The following ZNRF2 variants were observed in gnomAD, a reference collection of about 807,000 sequenced individuals.
ZNRF2 encodes the protein zinc and ring finger 2.
ZNRF2 carries 16 observed loss-of-function variants against 20.4 expected under a neutral mutation model. That is an observed-to-expected ratio of 0.79 (90% CI 0.53 to 1.19). The LOEUF is 1.19. Among genes scored for constraint, ZNRF2 ranks in the 50% most tolerant of loss-of-function variants. The pLI is 0.00. For missense variants in ZNRF2, 363 were observed against 332.4 expected (o/e 1.09, Z -0.72); for synonymous variants, 178 against 144.9 (o/e 1.23, Z -1.64).
At chr7:30,317,310 A>G (rs191852888) in intron 1 of ZNRF2, among the ~76,000 whole-genome samples, 3 of 101,704 alleles carry the variant, frequency 2.9e-5, no homozygotes, top group East Asian at 5.6e-4. Flanking sequence ...TTTGGGAGAT[A>G]AGATCTACAC....
intron 1 of ZNRF2, among the ~76,000 whole-genome samples, chr7:30,316,380 A>T (rs932310142): frequency 1.3e-5 from 2 of 149,024 alleles, no homozygotes; most frequent in African/African-American, 4.9e-5. Flanking sequence ...GACTGAATAT[A>T]TGGTCCTGAT....
intron 3 of ZNRF2, among the ~76,000 whole-genome samples, chr7:30,361,277 C>A (rs1269142468): frequency 6.6e-6 from 1 of 152,154 alleles, no homozygotes; most frequent in African/African-American, 2.4e-5. Context: ...CTATATATTT[C>A]GAGAACAAAA....
chr7:30,348,058 C>G (rs527261852), intron 2 of ZNRF2, among the ~76,000 whole-genome samples: 2 of 151,404 alleles, frequency 1.3e-5, no homozygotes, highest in Non-Finnish European at 2.9e-5. Flanking sequence ...CCCACATATA[C>G]TAATAAACAT....
chr7:30,314,164 TCAAA>T (rs1238655729), intron 1 of ZNRF2, among the ~76,000 whole-genome samples: 1 of 152,200 alleles, frequency 6.6e-6, no homozygotes, highest in Non-Finnish European at 1.5e-5. Flanking sequence ...ATTTATTAAT[TCAAA>T]CAAATTTAAA....
chr7:30,314,176 A>C (rs1458337280), intron 1 of ZNRF2, among the ~76,000 whole-genome samples: 1 of 152,220 alleles, frequency 6.6e-6, no homozygotes, highest in African/African-American at 2.4e-5. Flanking sequence ...AAACAAATTT[A>C]AAAGAGAAAT....
At chr7:30,342,529 T>G (rs1799812551) in intron 2 of ZNRF2, among the ~76,000 whole-genome samples, 2 of 152,222 alleles carry the variant, frequency 1.3e-5, no homozygotes, top group Admixed American at 6.5e-5. Flanking sequence ...TGAAATTCTT[T>G]AAGAATGTTG....
At chr7:30,306,038 G>A (rs894564187) in intron 1 of ZNRF2, among the ~76,000 whole-genome samples, 3 of 152,054 alleles carry the variant, frequency 2.0e-5, no homozygotes, top group South Asian at 2.1e-4. Context: ...TCTCTAAGCC[G>A]CTCTTTCCTC....
Position 30,323,409 on chromosome 7 carries a change from G to A in ZNRF2, c.470-233G>A, listed in dbSNP as rs144798474. ...GAGATACAGGAGTTTGTAGTGGACT[G>A]CATCCCTCTCATTTTAACTTGTTTT... On this transcript the variant is annotated intron_variant, in intron 1 of 4. Coordinates refer to ENST00000323037, the MANE Select transcript of ZNRF2 (RefSeq NM_147128.4). 3.1e-3 allele frequency among the ~76,000 whole-genome samples: 477 copies of A among 152,312 alleles called. 2 individuals carry two copies. Among genetic ancestry groups the A allele is most frequent in the Middle Eastern group, 0.02 (6 of 294 alleles).
intron 2 of ZNRF2, among the ~76,000 whole-genome samples, chr7:30,352,690 G>T (rs1206603299): frequency 6.6e-6 from 1 of 152,018 alleles, no homozygotes; most frequent in Admixed American, 6.6e-5. Context: ...TCCCTTCTCT[G>T]CTTCTTTAAT....
At chr7:30,316,288 C>CAAAA (rs60218988) in intron 1 of ZNRF2, among the ~76,000 whole-genome samples, 399 of 27,554 alleles carry the variant, frequency 0.014, 21 homozygotes, top group African/African-American at 0.017. Context: ...AACTCCATCT[C>CAAAA]AAAAAAAAAA....
At chr7:30,332,709 T>C (rs1438240148) in intron 2 of ZNRF2, among the ~76,000 whole-genome samples, 4 of 152,140 alleles carry the variant, frequency 2.6e-5, no homozygotes, top group African/African-American at 9.7e-5. Flanking sequence ...ATTGTTTCAT[T>C]CTTTTTTTAT....
At chr7:30,338,497 C>T (rs1414199378) in intron 2 of ZNRF2, among the ~76,000 whole-genome samples, 1 of 133,632 alleles carries the variant, frequency 7.5e-6, no homozygotes, top group African/African-American at 2.8e-5. Context: ...CATTGTTCAA[C>T]TCCCACTTAT....
At chr7:30,313,667 G>T (rs560091473) in intron 1 of ZNRF2, among the ~76,000 whole-genome samples, 1 of 151,872 alleles carries the variant, frequency 6.6e-6, no homozygotes, top group Non-Finnish European at 1.5e-5. Context: ...AATTGCCCCC[G>T]AGAATATGGA....
chr7:30,316,701 G>A (rs140958478), intron 1 of ZNRF2, among the ~76,000 whole-genome samples: 8 of 152,060 alleles, frequency 5.3e-5, no homozygotes, highest in African/African-American at 1.4e-4. Context: ...TTCCTCTTTG[G>A]CCTCTTGAGC....
At position 30,285,239 on chromosome 7, in the gene ZNRF2, G is replaced by T; in HGVS notation, c.-119G>T. 1 of 757,492 alleles carries T rather than the reference G, an allele frequency of 1.3e-6. No individual in the cohort carries two copies. Among genetic ancestry groups the T allele is most frequent in the Non-Finnish European group, 1.7e-6 (1 of 583,560 alleles). The allele number at this position is 757,492 out of a possible 1,614,324, so 46.9% of individuals were successfully genotyped here. On this transcript the variant is annotated 5_prime_UTR_variant, in exon 1 of 5. Coordinates refer to ENST00000323037, the MANE Select transcript of ZNRF2 (RefSeq NM_147128.4). ...GACGCCGGGCGGCGGCCCTGGACGTGCGGGGGCCTCTCTGGGCCGGCCGCG... is the reference window on the plus strand; with the variant it reads ...GACGCCGGGCGGCGGCCCTGGACGTTCGGGGGCCTCTCTGGGCCGGCCGCG...
At chr7:30,290,876 G>C (rs1798894583) in intron 1 of ZNRF2, among the ~76,000 whole-genome samples, 1 of 152,238 alleles carries the variant, frequency 6.6e-6, no homozygotes, top group East Asian at 1.9e-4. Flanking sequence ...CCCCTTTTAG[G>C]GGCTGGACAT....
At position 30,285,161 on chromosome 7, in the gene ZNRF2, C is replaced by A. The variant is rs1273676297; in HGVS notation, c.-197C>A. On this transcript the variant is annotated 5_prime_UTR_variant, in exon 1 of 5. Coordinates refer to ENST00000323037, the MANE Select transcript of ZNRF2 (RefSeq NM_147128.4). Reference sequence around the variant, plus strand: ...GTCTCCCGCGCCCGCGTCAGGCCGTCGGCCTCGCCCGCCGCCCCAAGAAGA... The same window carrying A: ...GTCTCCCGCGCCCGCGTCAGGCCGTAGGCCTCGCCCGCCGCCCCAAGAAGA... 2 of 417,562 alleles carry A rather than the reference C, an allele frequency of 4.8e-6. No homozygotes were observed. Among genetic ancestry groups the A allele is most frequent in the South Asian group, 1.7e-5 (1 of 57,996 alleles). 25.9% of individuals were successfully genotyped at this position (417,562 alleles called of 1,614,324 possible).
Position 30,284,760 on chromosome 7 carries a change from G to C in ZNRF2, c.-598G>C. On this transcript the variant is annotated 5_prime_UTR_variant, in exon 1 of 5. Transcript: ENST00000323037. The stretch of plus-strand genomic sequence containing the variant: ...GGGGGAGCGAGGCGACGGTTGCCGG[G>C]AAGCGCGCGCCACCTCTCCCTCCCA... 1 of 177,100 alleles carries C rather than the reference G, an allele frequency of 5.6e-6. No individual in the cohort carries two copies. Among genetic ancestry groups the C allele is most frequent in the South Asian group, 7.5e-5 (1 of 13,250 alleles). The allele number at this position is 177,100 out of a possible 1,614,324, so 11.0% of individuals were successfully genotyped here. A position where few individuals can be genotyped will look rare whatever the true frequency, so the allele number is the denominator to read the frequency against.
At chr7:30,334,703 T>C (rs1799690232) in intron 2 of ZNRF2, among the ~76,000 whole-genome samples, 1 of 152,212 alleles carries the variant, frequency 6.6e-6, no homozygotes, top group Non-Finnish European at 1.5e-5. Context: ...AATCCTATAA[T>C]ATGTAAGGGT....
Sources: gnomAD v4.1 joint callset for allele counts (sites outside exome capture counted in the v4.1 genomes callset) on GRCh38, gnomAD v4.1.1 for gene constraint, MANE v1.5 for transcripts, NCBI Gene and HGNC (gene_info 2026-07-23, HGNC 2026-07-21) for gene names.